SLC35F4: variants seen among roughly 807,000 people sequenced by gnomAD.
The protein encoded by SLC35F4 is solute carrier family 35 member F4, also known as chromosome 14 open reading frame 36.
SLC35F4 carries 24 observed loss-of-function variants against 44.2 expected under a neutral mutation model. The observed-to-expected ratio is 0.54, with a 90% CI of 0.39 to 0.76. The LOEUF is 0.76. SLC35F4 is among the 30% of genes least tolerant of loss of function. The pLI is 0.00. For missense variants in SLC35F4, 562 were observed against 586.1 expected, an observed-to-expected ratio of 0.96 and a Z score of 0.42; for synonymous variants, 238 against 223.6, an observed-to-expected ratio of 1.06 and a Z score of -0.57.
At chr14:57,884,607 T>C (rs1888609130) in intron 1 of SLC35F4, among the ~76,000 whole-genome samples, 2 of 152,178 alleles carry the variant, frequency 1.3e-5, no homozygotes, top group Non-Finnish European at 2.9e-5. Flanking sequence ...TGCCAATGTA[T>C]ACAGAGAGAA....
chr14:57,645,181 G>C (rs1173771479), intron 1 of SLC35F4, among the ~76,000 whole-genome samples: 1 of 152,116 alleles, frequency 6.6e-6, no homozygotes, highest in Non-Finnish European at 1.5e-5. Context: ...GCTTGATGGG[G>C]ATGGCATTGA....
At chr14:57,878,950 G>T (rs1419408909) in intron 1 of SLC35F4, among the ~76,000 whole-genome samples, 1 of 152,076 alleles carries the variant, frequency 6.6e-6, no homozygotes, top group Non-Finnish European at 1.5e-5. Flanking sequence ...TTTTGATGTT[G>T]TCTTATGAAC....
chr14:57,755,695 C>T (rs1594970891), intron 1 of SLC35F4, among the ~76,000 whole-genome samples: 2 of 151,852 alleles, frequency 1.3e-5, no homozygotes, highest in South Asian at 2.1e-4. Flanking sequence ...TCCAAATTCT[C>T]TCTTACCAAA....
chr14:57,815,073 A>C (rs555553254), intron 1 of SLC35F4, among the ~76,000 whole-genome samples: 41 of 152,320 alleles, frequency 2.7e-4, no homozygotes, highest in Admixed American at 4.6e-4. Flanking sequence ...GCTGCACTAC[A>C]ACTGCAGAGT....
chr14:57,694,059 AAGACAC>A (rs2075308933), intron 1 of SLC35F4, among the ~76,000 whole-genome samples: 1 of 152,186 alleles, frequency 6.6e-6, no homozygotes, highest in African/African-American at 2.4e-5. Context: ...AAACGAACTG[AAGACAC>A]AGAATTCAAT....
chr14:57,591,297 G>C (rs1201945257), intron 2 of SLC35F4, among the ~76,000 whole-genome samples: 1 of 152,082 alleles, frequency 6.6e-6, no homozygotes, highest in East Asian at 1.9e-4. Flanking sequence ...TGAGGAGCTG[G>C]GGGGGATATG....
intron 1 of SLC35F4, among the ~76,000 whole-genome samples, chr14:57,708,234 A>G (rs988352181): frequency 4.6e-5 from 7 of 152,200 alleles, no homozygotes; most frequent in African/African-American, 1.7e-4. Context: ...AACCAGTAAC[A>G]GAAGACAGCA....
chr14:57,703,018 G>A (rs1251908966), intron 1 of SLC35F4, among the ~76,000 whole-genome samples: 1 of 149,304 alleles, frequency 6.7e-6, no homozygotes, highest in Non-Finnish European at 1.5e-5. Context: ...AGTGTAGATT[G>A]ATTTTGCACA....
chr14:57,653,126 C>A (rs1331515397), intron 1 of SLC35F4, among the ~76,000 whole-genome samples: 1 of 152,134 alleles, frequency 6.6e-6, no homozygotes, highest in Non-Finnish European at 1.5e-5. Flanking sequence ...ACAAAAGTCA[C>A]AAGGCATTTA....
In SLC35F4 at chr14:57,589,292, T is replaced by C; in HGVS notation, c.511A>G (p.Ile171Val). The change falls in exon 3 of 8, where the codon ATT becomes GTT. Residue 171 changes from isoleucine (I) to valine (V), a missense_variant. Transcript: ENST00000556826. ...FMTWFSTNWN[I>V]MFFPVYYSGH... ...GAATAATAGACTGGGAAAAACATAA[T>C]GTTCCAGTTTGTTGAAAACCAAGTC... is the stretch of plus-strand genomic sequence containing the variant. 6.2e-7 allele frequency: 1 copy of C among 1,614,004 alleles called. No homozygotes were observed. Among genetic ancestry groups the C allele is most frequent in the Non-Finnish European group, 8.5e-7 (1 of 1,179,882 alleles).
intron 1 of SLC35F4, among the ~76,000 whole-genome samples, chr14:57,859,779 A>C (rs1290479752): frequency 6.6e-6 from 1 of 152,222 alleles, no homozygotes; most frequent in African/African-American, 2.4e-5. Flanking sequence ...CACAGGATTC[A>C]TTAACTGATT....
rs2076321508 is a variant in SLC35F4, at chr14:57,730,661, ACTGT to A, written c.103+135058_103+135061del. On this transcript the variant is annotated intron_variant, in intron 1 of 7. Transcript: ENST00000556826. ...ATAATCTAAACTTAATAAAAATATC[ACTGT>A]CTGAGCTAGGGGCATCCATGAAAAA... Among the ~76,000 whole-genome samples, 4 of 152,234 alleles carry A rather than the reference ACTGT, an allele frequency of 2.6e-5. No individual in the cohort carries two copies. The South Asian group carries it at 8.3e-4, about 32-fold the overall frequency.
chr14:57,789,443 C>T (rs1385511774), intron 1 of SLC35F4, among the ~76,000 whole-genome samples: 1 of 152,054 alleles, frequency 6.6e-6, no homozygotes, highest in Admixed American at 6.5e-5. Context: ...AAGACTAAAC[C>T]AGGAAGAAGT....
chr14:57,737,803 C>A (rs1349855226), intron 1 of SLC35F4, among the ~76,000 whole-genome samples: 1 of 152,214 alleles, frequency 6.6e-6, no homozygotes, highest in Non-Finnish European at 1.5e-5. Flanking sequence ...TGAGCAGAAG[C>A]TTGGCACTCA....
At chr14:57,773,913 C>T (rs766031190) in intron 1 of SLC35F4, among the ~76,000 whole-genome samples, 1 of 152,164 alleles carries the variant, frequency 6.6e-6, no homozygotes, top group South Asian at 2.1e-4. Context: ...ATCTCCCAGA[C>T]CTTGCCTTCC....
intron 1 of SLC35F4, among the ~76,000 whole-genome samples, chr14:57,942,209 T>C (rs1889928786): frequency 6.6e-6 from 1 of 152,208 alleles, no homozygotes; most frequent in Non-Finnish European, 1.5e-5. Context: ...ATGTTCCAGC[T>C]TAATGTTGAG....
chr14:57,783,140 AAAGTATACC>A (rs2077668027), intron 1 of SLC35F4, among the ~76,000 whole-genome samples: 2 of 152,124 alleles, frequency 1.3e-5, no homozygotes, highest in African/African-American at 4.8e-5. Context: ...TGCTATCCAA[AAAGTATACC>A]TGTAGACTCT....
intron 1 of SLC35F4, among the ~76,000 whole-genome samples, chr14:57,721,833 C>T (rs1429206809): frequency 1.3e-5 from 2 of 152,150 alleles, no homozygotes; most frequent in African/African-American, 4.8e-5. Flanking sequence ...CTGCCATCAG[C>T]CTTTCCACCT....
intron 1 of SLC35F4, among the ~76,000 whole-genome samples, chr14:57,671,840 G>C (rs932646241): frequency 6.6e-6 from 1 of 152,114 alleles, no homozygotes; most frequent in Non-Finnish European, 1.5e-5. Flanking sequence ...AGCAGGTCAA[G>C]CCCATTATAG....
Sources: allele counts gnomAD v4.1 joint callset (sites outside exome capture counted in the v4.1 genomes callset), GRCh38; gene constraint gnomAD v4.1.1; transcripts MANE v1.5; gene names NCBI Gene and HGNC (gene_info 2026-07-23, HGNC 2026-07-21).